Variants in KANK1 observed in about 807,000 individuals in gnomAD.
KANK1 encodes the protein KN motif and ankyrin repeat domains 1.
A neutral mutation model predicts 106.2 loss-of-function variants in KANK1; 109 were observed. That is an observed-to-expected ratio of 1.03 (90% CI 0.88 to 1.20). KANK1 has a LOEUF of 1.20. Among genes scored for constraint, KANK1 ranks in the 50% most tolerant of loss-of-function variants. The pLI, the probability that KANK1 is intolerant of heterozygous loss-of-function variation, is 0.00. For missense variants in KANK1, 2,399 were observed against 1,710.7 expected (o/e 1.40, Z -7.10); for synonymous variants, 873 against 652.2 (o/e 1.34, Z -5.16).
chr9:508,395 C>T (rs1480502964), intron 1 of KANK1, among the ~76,000 whole-genome samples: 1 of 152,132 alleles, frequency 6.6e-6, no homozygotes, highest in East Asian at 1.9e-4. Flanking sequence ...CCTTGGCCTC[C>T]CAAAGTGCTG....
chr9:713,089 A>G lies in KANK1; in HGVS notation c.2323A>G (p.Lys775Glu). 1 of 1,613,364 alleles carries G rather than the reference A, an allele frequency of 6.2e-7. No individual in the cohort carries two copies. The highest frequency in any genetic ancestry group is 8.5e-7 in the Non-Finnish European group (1 of 1,179,442). Residue 775 changes from lysine (K) to glutamate (E), a missense_variant, in exon 3 of 12, where the codon AAA becomes GAA. Coordinates refer to ENST00000382297, the MANE Select transcript of KANK1 (RefSeq NM_015158.5). ...TAACGACAACTATCTGGTTGGTCTC[A>G]AAATGAGGACTATAGCTTGTGGGCC... ...NINDNYLVGL[K>E]MRTIACGPPQ...
At chr9:639,963 C>G (rs1838019361) in intron 1 of KANK1, among the ~76,000 whole-genome samples, 1 of 152,124 alleles carries the variant, frequency 6.6e-6, no homozygotes. Flanking sequence ...TTAATCACCT[C>G]CCAGAGGACC....
chr9:728,193 TGTTTC>T (rs949711511), intron 3 of KANK1, among the ~76,000 whole-genome samples: 3 of 152,124 alleles, frequency 2.0e-5, no homozygotes, highest in African/African-American at 4.8e-5. Context: ...TTTTTTGTTT[TGTTTC>T]TTTTGTTTTC....
chr9:733,141 T>A (rs1376794512), intron 6 of KANK1: 2 of 152,380 alleles, frequency 1.3e-5, no homozygotes, highest in African/African-American at 4.8e-5. Context: ...GATTTGGGTA[T>A]ATCATAAATA....
chr9:515,306 C>T (rs947587392), intron 1 of KANK1, among the ~76,000 whole-genome samples: 1 of 150,134 alleles, frequency 6.7e-6, no homozygotes, highest in Non-Finnish European at 1.5e-5. Flanking sequence ...GATCGTGCCA[C>T]TGCCCTCCAG....
At chr9:668,362 TTG>T (rs1248708857) in intron 1 of KANK1, among the ~76,000 whole-genome samples, 1 of 105,580 alleles carries the variant, frequency 9.5e-6, no homozygotes, top group Non-Finnish European at 2.0e-5. Flanking sequence ...CTCTCTCTCT[TTG>T]TATCTATTAA....
intron 2 of KANK1, among the ~76,000 whole-genome samples, chr9:685,758 G>C (rs1402194924): frequency 6.6e-6 from 1 of 152,070 alleles, no homozygotes; most frequent in African/African-American, 2.4e-5. Flanking sequence ...TTCTACTTTG[G>C]ACATGATCTC....
chr9:607,104 T>G (rs1829395777), intron 1 of KANK1, among the ~76,000 whole-genome samples: 1 of 151,876 alleles, frequency 6.6e-6, no homozygotes, highest in Non-Finnish European at 1.5e-5. Context: ...AGTGTCACTC[T>G]CTTTCACCTT....
Position 676,936 on chromosome 9 carries a change from C to T in KANK1, c.-37C>T. ...GATGCATAAAATTTGCATGACTCCT[C>T]ACTCCTTTCTGGATCTCTCATTGGA... On this transcript the variant is annotated 5_prime_UTR_variant, in exon 2 of 12. Coordinates refer to ENST00000382297, the MANE Select transcript of KANK1 (RefSeq NM_015158.5). 10 of 1,600,598 alleles carry T rather than the reference C, an allele frequency of 6.2e-6. No homozygotes were observed. The highest frequency in any genetic ancestry group is 1.1e-5 in the South Asian group (1 of 89,944).
intron 3 of KANK1, among the ~76,000 whole-genome samples, chr9:487,158 G>C (rs2058307492): frequency 6.6e-6 from 1 of 152,202 alleles, no homozygotes; most frequent in African/African-American, 2.4e-5. Flanking sequence ...AGCTTAGAAG[G>C]CTGCTCCTGC....
chr9:608,516 G>A (rs1269940840), intron 1 of KANK1, among the ~76,000 whole-genome samples: 6 of 151,786 alleles, frequency 4.0e-5, no homozygotes, highest in Non-Finnish European at 8.8e-5. Flanking sequence ...CATGTGAGAT[G>A]AAGATGATTG....
chr9:738,004 G>T (rs1461540266), intron 7 of KANK1, among the ~76,000 whole-genome samples: 1 of 152,208 alleles, frequency 6.6e-6, no homozygotes, highest in Admixed American at 6.5e-5. Flanking sequence ...TTAGGTAGCA[G>T]AGCCTGCATT....
intron 3 of KANK1, among the ~76,000 whole-genome samples, chr9:475,541 C>T (rs1044258077): frequency 1.3e-5 from 2 of 152,204 alleles, no homozygotes; most frequent in African/African-American, 2.4e-5. Context: ...CTTTTCTTAT[C>T]TTCCAAATTC....
chr9:670,775 A>C (rs1312891287), intron 1 of KANK1, among the ~76,000 whole-genome samples: 6 of 151,988 alleles, frequency 3.9e-5, no homozygotes, highest in Non-Finnish European at 5.9e-5. Context: ...TGAGGCATGG[A>C]TAGGTCTCCT....
intron 3 of KANK1, among the ~76,000 whole-genome samples, chr9:728,903 A>G (rs1028794592): frequency 6.6e-6 from 1 of 152,170 alleles, no homozygotes; most frequent in African/African-American, 2.4e-5. Flanking sequence ...TTTCTAAACT[A>G]GTGTATACCT....
chr9:570,783 A>G (rs2134812803), intron 1 of KANK1, among the ~76,000 whole-genome samples: 1 of 152,354 alleles, frequency 6.6e-6, no homozygotes, highest in Non-Finnish European at 1.5e-5. Context: ...ATGTGAATTT[A>G]GTAAAGTCAT....
Position 633,406 on chromosome 9 carries a change from C to T in KANK1, c.-83-43484C>T, listed in dbSNP as rs1024266740. Among the ~76,000 whole-genome samples, 41 of 152,076 alleles carry T rather than the reference C, an allele frequency of 2.7e-4. 1 individual carries two copies. The highest frequency in any genetic ancestry group is 2.3e-3 in the Admixed American group (35 of 15,288). On this transcript the variant is annotated intron_variant, in intron 1 of 11. Coordinates refer to ENST00000382297, the MANE Select transcript of KANK1 (RefSeq NM_015158.5). ...CCGGGAGGCGGAGGTTGCAGTGAGC[C>T]GTGATCGCGCCCCTGCACTCCAGCC...
chr9:667,670 A>C (rs1189712081), intron 1 of KANK1, among the ~76,000 whole-genome samples: 1 of 150,364 alleles, frequency 6.7e-6, no homozygotes, highest in East Asian at 1.9e-4. Context: ...TTATTTCTTC[A>C]TCAACTCATT....
intron 1 of KANK1, among the ~76,000 whole-genome samples, chr9:610,709 C>G (rs1461272696): frequency 6.6e-6 from 1 of 152,160 alleles, no homozygotes; most frequent in Non-Finnish European, 1.5e-5. Context: ...ATTCCAGGAA[C>G]TGGAGGCATA....
Sources: allele counts gnomAD v4.1 joint callset (sites outside exome capture counted in the v4.1 genomes callset), GRCh38; gene constraint gnomAD v4.1.1; transcripts MANE v1.5; gene names NCBI Gene and HGNC (gene_info 2026-07-23, HGNC 2026-07-21).